MAP4K5: variants seen among roughly 807,000 people sequenced by gnomAD.
MAP4K5 encodes mitogen-activated protein kinase kinase kinase kinase 5, also known as MAPK/ERK kinase kinase kinase 5.
In MAP4K5, 82 loss-of-function variants were observed where a neutral mutation model predicts 135.6. The observed-to-expected ratio is 0.60, with a 90% confidence interval of 0.51 to 0.73. MAP4K5 has a LOEUF of 0.73. Among genes scored for constraint, MAP4K5 ranks in the 30% least tolerant of loss-of-function variants. The probability of loss-of-function intolerance (pLI) is 0.00; values close to 1 mark genes in which losing one functional copy is unlikely to be tolerated. For synonymous variants in MAP4K5, 347 were observed against 335.0 expected, an observed-to-expected ratio of 1.04 and a Z score of -0.39; for missense variants, 907 against 1,010.9, an observed-to-expected ratio of 0.90 and a Z score of 1.39.
At chr14:50,481,745 T>C (rs1287901561) in intron 6 of MAP4K5, among the ~76,000 whole-genome samples, 1 of 152,222 alleles carries the variant, frequency 6.6e-6, no homozygotes, top group African/African-American at 2.4e-5. Flanking sequence ...TAACCCATTT[T>C]AGCATACTAA....
At chr14:50,491,608 A>G (rs1359763817) in intron 3 of MAP4K5, among the ~76,000 whole-genome samples, 1 of 151,948 alleles carries the variant, frequency 6.6e-6, no homozygotes, top group Non-Finnish European at 1.5e-5. Context: ...ATTATCTCTT[A>G]AACTCCTAAA....
intron 30 of MAP4K5, among the ~76,000 whole-genome samples, chr14:50,427,184 A>G (rs1051224685): frequency 6.6e-6 from 1 of 152,212 alleles, no homozygotes; most frequent in Non-Finnish European, 1.5e-5. Context: ...TTGTGTAACA[A>G]TTAAAATTAC....
At chr14:50,484,088 C>T (rs574813248) in intron 5 of MAP4K5, among the ~76,000 whole-genome samples, 5 of 151,960 alleles carry the variant, frequency 3.3e-5, no homozygotes, top group African/African-American at 7.2e-5. Context: ...CTCAAACTCC[C>T]GACCTTGGCC....
chr14:50,514,072 G>T (rs1490717297), intron 2 of MAP4K5, among the ~76,000 whole-genome samples: 1 of 152,010 alleles, frequency 6.6e-6, no homozygotes, highest in Non-Finnish European at 1.5e-5. Flanking sequence ...CTCTGTTATT[G>T]TTTTGTTTTG....
At chr14:50,508,175 C>CT (rs1345624016) in intron 2 of MAP4K5, among the ~76,000 whole-genome samples, 2 of 151,900 alleles carry the variant, frequency 1.3e-5, no homozygotes, top group Admixed American at 6.6e-5. Context: ...GCAACCCCTG[C>CT]TTTTTTTTGT....
At position 50,421,845 on chromosome 14, in the gene MAP4K5, G is replaced by C. The variant is rs538100156; in HGVS notation, c.2453+1276C>G. Among the ~76,000 whole-genome samples, 4 of 150,820 alleles carry C rather than the reference G, an allele frequency of 2.7e-5. No individual in the cohort carries two copies. The South Asian group carries it at 8.4e-4, about 32-fold the overall frequency. ...ACCAAGCTGAATTCTCTCACACTTGGTTTCATTAAAGGATTATCTACACCA... is the reference window on the plus strand; with the variant it reads ...ACCAAGCTGAATTCTCTCACACTTGCTTTCATTAAAGGATTATCTACACCA... On this transcript the variant is annotated intron_variant, in intron 32 of 32. Coordinates refer to ENST00000682126, the MANE Select transcript of MAP4K5 (RefSeq NM_006575.6).
intron 2 of MAP4K5, among the ~76,000 whole-genome samples, chr14:50,515,300 G>C (rs1241764833): frequency 1.3e-5 from 2 of 151,982 alleles, no homozygotes; most frequent in Non-Finnish European, 2.9e-5. Context: ...TCAATATCCG[G>C]AACTACTCTG....
intron 10 of MAP4K5, 96 bp from the exon 11 acceptor site, chr14:50,466,741 A>G (rs1372469989): frequency 3.0e-5 from 18 of 606,410 alleles, no homozygotes; most frequent in Non-Finnish European, 4.8e-5. Flanking sequence ...AGACTACCAC[A>G]TAAGTGGACA....
chr14:50,491,240 A>G (rs1475063938), intron 3 of MAP4K5, among the ~76,000 whole-genome samples: 1 of 151,956 alleles, frequency 6.6e-6, no homozygotes, highest in African/African-American at 2.4e-5. Context: ...TAGATCACAG[A>G]TTTAATACTG....
At chr14:50,514,790 T>C (rs1489143860) in intron 2 of MAP4K5, among the ~76,000 whole-genome samples, 1 of 151,774 alleles carries the variant, frequency 6.6e-6, no homozygotes, top group Non-Finnish European at 1.5e-5. Context: ...ATTAAGGGAA[T>C]ATAAAGATAT....
At chr14:50,448,595 C>T (rs2036411540) in intron 15 of MAP4K5, among the ~76,000 whole-genome samples, 179 bp downstream of exon 15, 2 of 151,848 alleles carry the variant, frequency 1.3e-5, no homozygotes, top group Non-Finnish European at 2.9e-5. Context: ...TGTATTACAT[C>T]GTACTCTAGT....
chr14:50,466,381 C>CAAAAA (rs1194669006), intron 11 of MAP4K5, among the ~76,000 whole-genome samples: 5 of 54,580 alleles, frequency 9.2e-5, no homozygotes, highest in African/African-American at 3.0e-4. Flanking sequence ...AATCCTGTCT[C>CAAAAA]AAAAAAAAAA....
chr14:50,494,731 T>C (rs907150517), intron 3 of MAP4K5, among the ~76,000 whole-genome samples: 1 of 152,058 alleles, frequency 6.6e-6, no homozygotes, highest in African/African-American at 2.4e-5. Flanking sequence ...GACAGATATA[T>C]TAAAGACCAA....
intron 2 of MAP4K5, among the ~76,000 whole-genome samples, chr14:50,505,632 C>T (rs1352173834): frequency 6.6e-6 from 1 of 152,160 alleles, no homozygotes; most frequent in African/African-American, 2.4e-5. Flanking sequence ...GCAACCTAGA[C>T]ATACAATTGT....
chr14:50,444,048 C>G lies in MAP4K5; in HGVS notation c.1340-12G>C, dbSNP rs1230408488. 1 of 1,567,610 alleles carries G rather than the reference C, an allele frequency of 6.4e-7. No individual in the cohort carries two copies. The highest frequency in any genetic ancestry group is 8.7e-7 in the Non-Finnish European group (1 of 1,147,464). ...ACCATCACCATTTCCTAAAGAGAAT[C>G]ATGTTAAAAGTTGAATGACCACACA... On this transcript the variant is annotated splice_polypyrimidine_tract_variant and intron_variant, in intron 18 of 32. Coordinates refer to ENST00000682126, the MANE Select transcript of MAP4K5 (RefSeq NM_006575.6).
At chr14:50,482,239 CTT>C in intron 6 of MAP4K5, 120 bp downstream of exon 6, 1 of 541,974 alleles carries the variant, frequency 1.8e-6, no homozygotes, top group Non-Finnish European at 3.2e-6. Flanking sequence ...TTGTTTTACC[CTT>C]TCTCTTTAAG....
At chr14:50,517,325 T>A (rs941801814) in intron 2 of MAP4K5, among the ~76,000 whole-genome samples, 1 of 151,900 alleles carries the variant, frequency 6.6e-6, no homozygotes, top group Admixed American at 6.6e-5. Context: ...CTAATTTTTG[T>A]ATTTTTAGTG....
intron 1 of MAP4K5, among the ~76,000 whole-genome samples, chr14:50,556,271 C>G (rs929756331): frequency 6.6e-6 from 1 of 152,130 alleles, no homozygotes; most frequent in Non-Finnish European, 1.5e-5. Context: ...GCTCTGTCAT[C>G]CAGGCTGAAG....
chr14:50,542,513 C>CTTA (rs1327345113), exon 2 of MAP4K5: 2 of 152,050 alleles, frequency 1.3e-5, no homozygotes, highest in East Asian at 3.8e-4. Flanking sequence ...TTTACTGGAT[C>CTTA]GTAAGTTGAA....
Sources: allele counts gnomAD v4.1 joint callset (sites outside exome capture counted in the v4.1 genomes callset), GRCh38; gene constraint gnomAD v4.1.1; transcripts MANE v1.5; gene names NCBI Gene and HGNC (gene_info 2026-07-23, HGNC 2026-07-21).